The following ARHGAP22 variants were observed in gnomAD, a reference collection of about 807,000 sequenced individuals.
ARHGAP22 encodes rho GTPase-activating protein 22.
In ARHGAP22, 48 loss-of-function variants were observed where a neutral mutation model predicts 59.1. That is an observed-to-expected ratio of 0.81 (90% CI 0.64 to 1.03). The LOEUF (loss-of-function observed/expected upper bound fraction) is 1.03, where lower values mean the gene tolerates loss of function less well. Ranked by LOEUF, ARHGAP22 falls within the 50% of genes least tolerant of loss-of-function variation. ARHGAP22 has a pLI of 0.00. For missense variants in ARHGAP22, 1,015 were observed against 958.7 expected (o/e 1.06, Z -0.78); for synonymous variants, 445 against 416.4 (o/e 1.07, Z -0.84).
chr10:48,431,236 G>A, the ARHGAP22 span: 1 of 1,612,342 alleles, frequency 6.2e-7, no homozygotes, highest in Admixed American at 1.7e-5. Flanking sequence ...AGAGAACCAA[G>A]AATGGAGTTA....
In ARHGAP22 at chr10:48,450,573, T is replaced by G; in HGVS notation, c.1556A>C (p.Glu519Ala). 2 of 1,536,318 alleles carry G rather than the reference T, an allele frequency of 1.3e-6. No homozygotes were observed. Among genetic ancestry groups the G allele is most frequent in the Non-Finnish European group, 8.8e-7 (1 of 1,142,528 alleles). Residue 519 changes from glutamate (E) to alanine (A), a missense_variant, in exon 9 of 10, where the codon GAG becomes GCG. Physicochemically the swap from Glu to Ala is moderately radical, Grantham distance 107 (BLOSUM62 -1). Coordinates refer to ENST00000249601, the MANE Select transcript of ARHGAP22 (RefSeq NM_021226.4). ...GCTGAGTGAGCCCCCCACCGACGAC[T>G]CGCTGGACGAGGCCCCGGACCACGC... is the stretch of plus-strand genomic sequence containing the variant. ...SMAWSGASSS[E>A]SSVGGSLSSC...
At chr10:48,653,464 C>G (rs926947530), upstream of ARHGAP22, among the ~76,000 whole-genome samples, 7 of 152,234 alleles carry the variant, frequency 4.6e-5, no homozygotes, top group African/African-American at 1.7e-4. Flanking sequence ...CCTTGGGGAT[C>G]TGTGGACAGT....
chr10:48,449,171 T>A (rs755684113), intron 9 of ARHGAP22, among the ~76,000 whole-genome samples: 1 of 152,354 alleles, frequency 6.6e-6, no homozygotes, highest in Non-Finnish European at 1.5e-5. Flanking sequence ...GTTTGGTCTG[T>A]GAGCTCATCT....
chr10:48,609,986 C>T (rs1182390301), upstream of ARHGAP22, among the ~76,000 whole-genome samples: 2 of 152,210 alleles, frequency 1.3e-5, no homozygotes, highest in Non-Finnish European at 2.9e-5. Context: ...GTAAGCCTGT[C>T]CTTGGTCTTC....
At chr10:48,553,832 A>G (rs2135298747) in intron 3 of ARHGAP22, among the ~76,000 whole-genome samples, 1 of 152,300 alleles carries the variant, frequency 6.6e-6, no homozygotes, top group East Asian at 1.9e-4. Flanking sequence ...TGGCCTATGG[A>G]GCACACACTC....
chr10:48,611,520 C>T (rs1392865932), intron 1 of ARHGAP22, among the ~76,000 whole-genome samples: 1 of 152,124 alleles, frequency 6.6e-6, no homozygotes, highest in Non-Finnish European at 1.5e-5. Flanking sequence ...GATTCCCTTC[C>T]CTGAAACTTA....
At chr10:48,620,861 C>T (rs2061261468) in intron 1 of ARHGAP22, among the ~76,000 whole-genome samples, 3 of 152,244 alleles carry the variant, frequency 2.0e-5, no homozygotes, top group Non-Finnish European at 4.4e-5. Flanking sequence ...TGGCCAAATT[C>T]ACCAGTGCAC....
At chr10:48,482,167 C>G (rs2049390064) in intron 3 of ARHGAP22, among the ~76,000 whole-genome samples, 1 of 152,142 alleles carries the variant, frequency 6.6e-6, no homozygotes, top group Non-Finnish European at 1.5e-5. Flanking sequence ...TGCATTGTAT[C>G]TAAGAAATCT....
intron 3 of ARHGAP22, among the ~76,000 whole-genome samples, chr10:48,501,152 G>C (rs1010309021): frequency 2.0e-5 from 3 of 152,308 alleles, no homozygotes; most frequent in East Asian, 3.9e-4. Context: ...TAAAAAATGA[G>C]GGTGTACTTT....
chr10:48,595,243 G>T (rs1477683726), intron 1 of ARHGAP22, among the ~76,000 whole-genome samples: 2 of 152,208 alleles, frequency 1.3e-5, no homozygotes, highest in Non-Finnish European at 2.9e-5. Flanking sequence ...GCTGGGAAAA[G>T]AGCAAAATGG....
chr10:48,470,891 T>C lies in ARHGAP22; in HGVS notation c.451+8745A>G, dbSNP rs568040089. Among the ~76,000 whole-genome samples, 244 of 152,338 alleles carry C rather than the reference T, an allele frequency of 1.6e-3. 1 individual carries two copies. Among genetic ancestry groups the C allele is most frequent in the African/African-American group, 5.6e-3 (234 of 41,572 alleles). ...TGGGGAGAAGTGGTCCACTAGGACC[T>C]TGGGCTCTACCACTGGCAGCCTGGC... On this transcript the variant is annotated intron_variant, in intron 4 of 9. Transcript: ENST00000249601.
intron 9 of ARHGAP22, among the ~76,000 whole-genome samples, chr10:48,448,229 T>C (rs1228553786): frequency 1.3e-5 from 2 of 152,182 alleles, no homozygotes; most frequent in African/African-American, 4.8e-5. Context: ...TACAGGGGTC[T>C]TGGGGTCAGT....
chr10:48,435,470 C>T, the ARHGAP22 span: 1 of 152,782 alleles, frequency 6.5e-6, no homozygotes, highest in African/African-American at 2.4e-5. Flanking sequence ...ATGATACTAT[C>T]CTTCAGGGTT....
intron 3 of ARHGAP22, among the ~76,000 whole-genome samples, chr10:48,519,841 G>C: frequency 6.6e-6 from 1 of 152,178 alleles, no homozygotes; most frequent in East Asian, 1.9e-4. Context: ...AGCAAGGCTG[G>C]GAAGCTGAGC....
intron 3 of ARHGAP22, among the ~76,000 whole-genome samples, chr10:48,492,779 C>T (rs2050533577): frequency 6.6e-6 from 1 of 152,120 alleles, no homozygotes. Context: ...GTCTCAAACT[C>T]CTCACCTCAG....
chr10:48,494,803 C>T (rs935371448), intron 3 of ARHGAP22, among the ~76,000 whole-genome samples: 4 of 152,298 alleles, frequency 2.6e-5, no homozygotes, highest in East Asian at 1.9e-4. Context: ...TCTCCTCCCC[C>T]GGCCCATGTC....
intron 2 of ARHGAP22, among the ~76,000 whole-genome samples, chr10:48,570,846 G>C (rs1268614862): frequency 6.6e-6 from 1 of 152,192 alleles, no homozygotes; most frequent in Non-Finnish European, 1.5e-5. Context: ...TGGCCCAATA[G>C]TGGAGCCAGG....
intron 4 of ARHGAP22, among the ~76,000 whole-genome samples, chr10:48,471,485 C>T (rs772197735): frequency 6.6e-6 from 1 of 152,216 alleles, no homozygotes; most frequent in South Asian, 2.1e-4. Context: ...TCCAACTGCC[C>T]GCTCAGCATC....
At chr10:48,568,879 G>A (rs1197530142) in intron 2 of ARHGAP22, among the ~76,000 whole-genome samples, 1 of 152,190 alleles carries the variant, frequency 6.6e-6, no homozygotes, top group African/African-American at 2.4e-5. Flanking sequence ...TGTTTTCCAG[G>A]GTTGCACAGT....
Sources: allele counts gnomAD v4.1 joint callset (sites outside exome capture counted in the v4.1 genomes callset), GRCh38; gene constraint gnomAD v4.1.1; transcripts MANE v1.5; gene names NCBI Gene and HGNC (gene_info 2026-07-23, HGNC 2026-07-21).